NEK11: variants seen among roughly 807,000 people sequenced by gnomAD.
The protein encoded by NEK11 is NIMA related kinase 11.
Under a neutral mutation model 80.7 loss-of-function variants are expected in NEK11, and 72 were observed. That is an observed-to-expected ratio of 0.89 (90% CI 0.74 to 1.08). The LOEUF (loss-of-function observed/expected upper bound fraction) is 1.08, where lower values mean the gene tolerates loss of function less well. NEK11 is among the 50% of genes least tolerant of loss of function. The pLI is 0.00. For synonymous variants in NEK11, 251 were observed against 260.7 expected, an observed-to-expected ratio of 0.96 and a Z score of 0.36; for missense variants, 764 against 763.6, an observed-to-expected ratio of 1.00 and a Z score of -0.01.
chr3:131,293,468 A>C (rs562798902), intron 17 of NEK11, among the ~76,000 whole-genome samples: 2 of 152,088 alleles, frequency 1.3e-5, no homozygotes, highest in South Asian at 4.1e-4. Context: ...AATTCTTTTT[A>C]TATATTGTTG....
intron 3 of NEK11, among the ~76,000 whole-genome samples, chr3:131,064,870 T>G (rs149637234): frequency 2.4e-4 from 37 of 152,176 alleles, no homozygotes; most frequent in South Asian, 1.0e-3. Flanking sequence ...GGAGATGTGC[T>G]TATTCTATTT....
intron 7 of NEK11, among the ~76,000 whole-genome samples, chr3:131,139,542 G>T (rs1014323355): frequency 2.0e-5 from 3 of 152,010 alleles, no homozygotes; most frequent in African/African-American, 7.2e-5. Context: ...GTATAAGAAG[G>T]TTATAGAAGA....
chr3:131,340,763 C>G (rs2097271731), intron 17 of NEK11, among the ~76,000 whole-genome samples: 2 of 152,216 alleles, frequency 1.3e-5, no homozygotes, highest in South Asian at 4.1e-4. Flanking sequence ...AACCTGGACT[C>G]TAGTCCCCTA....
At chr3:131,142,731 T>C in intron 7 of NEK11, among the ~76,000 whole-genome samples, 1 of 152,228 alleles carries the variant, frequency 6.6e-6, no homozygotes, top group East Asian at 1.9e-4. Flanking sequence ...CTTTGACTTT[T>C]AGCCAGTTTT....
At chr3:131,263,858 A>G (rs1391481013) in intron 16 of NEK11, among the ~76,000 whole-genome samples, 1 of 152,170 alleles carries the variant, frequency 6.6e-6, no homozygotes, top group Non-Finnish European at 1.5e-5. Context: ...ATTTCTCCAC[A>G]TCCTCTCCAG....
chr3:131,220,315 T>A (rs1476888294), intron 14 of NEK11, among the ~76,000 whole-genome samples: 5 of 152,196 alleles, frequency 3.3e-5, no homozygotes, highest in Non-Finnish European at 7.3e-5. Flanking sequence ...AGGTTTCCTA[T>A]ACATATGAGA....
chr3:131,149,706 C>A (rs2089241577), intron 7 of NEK11, among the ~76,000 whole-genome samples: 1 of 151,968 alleles, frequency 6.6e-6, no homozygotes, highest in Admixed American at 6.6e-5. Context: ...TCTGTGGAAT[C>A]TACAGTGTTG....
intron 14 of NEK11, among the ~76,000 whole-genome samples, chr3:131,223,273 G>T (rs1267097139): frequency 1.3e-5 from 2 of 152,176 alleles, no homozygotes; most frequent in African/African-American, 4.8e-5. Context: ...AAATGAAAAT[G>T]AGTCCTTTTG....
At chr3:131,195,730 C>T (rs866080681) in intron 14 of NEK11, among the ~76,000 whole-genome samples, 1 of 149,086 alleles carries the variant, frequency 6.7e-6, no homozygotes, top group African/African-American at 2.5e-5. Flanking sequence ...CTTTATAGCA[C>T]CTTTGTCAGT....
chr3:131,148,520 A>G (rs2088882601), intron 7 of NEK11, among the ~76,000 whole-genome samples: 1 of 151,932 alleles, frequency 6.6e-6, no homozygotes, highest in Admixed American at 6.6e-5. Flanking sequence ...TATTCAACAA[A>G]TATCTATATT....
intron 12 of NEK11, 100 bp downstream of exon 12, chr3:131,165,619 C>A: frequency 2.8e-6 from 2 of 711,056 alleles, no homozygotes; most frequent in Non-Finnish European, 4.9e-6. Context: ...AAAACAAGAA[C>A]ATCCAGATTA....
intron 3 of NEK11, among the ~76,000 whole-genome samples, chr3:131,062,525 A>T (rs555401058): frequency 1.3e-5 from 2 of 152,362 alleles, no homozygotes; most frequent in South Asian, 4.1e-4. Flanking sequence ...CACCACCAGA[A>T]ATAAAATATA....
At chr3:131,132,892 C>A in intron 6 of NEK11, 83 bp downstream of exon 6, 1 of 625,352 alleles carries the variant, frequency 1.6e-6, no homozygotes, top group Non-Finnish European at 2.7e-6. Context: ...GTAAATGGTA[C>A]GTGGAAGTAT....
In NEK11 at chr3:131,345,744, T is replaced by C. The variant is rs528532227; in HGVS notation, c.1719-3813T>C. Among the ~76,000 whole-genome samples the C allele has an allele frequency of 2.6e-5, 4 of 152,288 alleles. No individual in the cohort carries two copies. In the East Asian group the frequency reaches 7.7e-4, roughly 29 times the overall value. ...GATATCTCCCATGTTCATTCCAACA[T>C]TGTTCACAATAGCCAAGATATGGAA... On this transcript the variant is annotated intron_variant, in intron 17 of 17. Coordinates refer to ENST00000383366, the MANE Select transcript of NEK11 (RefSeq NM_024800.5).
intron 7 of NEK11, among the ~76,000 whole-genome samples, chr3:131,142,093 A>G (rs1453751424): frequency 1.3e-5 from 2 of 152,214 alleles, no homozygotes; most frequent in Non-Finnish European, 2.9e-5. Flanking sequence ...TCCCAGTTCC[A>G]GGACACAGGT....
chr3:131,119,627 G>T (rs2149450275), intron 5 of NEK11, among the ~76,000 whole-genome samples: 1 of 152,256 alleles, frequency 6.6e-6, no homozygotes, highest in South Asian at 2.1e-4. Flanking sequence ...AGGTCTCTAA[G>T]GACTTGCTTT....
At chr3:131,153,339 T>C (rs920002678) in intron 9 of NEK11, among the ~76,000 whole-genome samples, 4 of 152,244 alleles carry the variant, frequency 2.6e-5, no homozygotes, top group Admixed American at 6.5e-5. Context: ...AGGGTTATCA[T>C]TGACCATTTA....
Position 131,338,217 on chromosome 3 carries a change from G to A in NEK11, c.1719-11340G>A, listed in dbSNP as rs193155755. 2.4e-4 allele frequency among the ~76,000 whole-genome samples: 36 copies of A among 150,024 alleles called. No individual in the cohort carries two copies. In the East Asian group the frequency reaches 6.0e-3, roughly 25 times the overall value. On this transcript the variant is annotated intron_variant, in intron 17 of 17. Coordinates refer to ENST00000383366, the MANE Select transcript of NEK11 (RefSeq NM_024800.5). ...CCTGCCCTCGTGATCCACTGGCCTC[G>A]GCCTCCCAAAGTGTTGGGATTACAG...
At position 131,344,986 on chromosome 3, in the gene NEK11, T is replaced by G. The variant is rs562039957; in HGVS notation, c.1719-4571T>G. On this transcript the variant is annotated intron_variant, in intron 17 of 17. Transcript: ENST00000383366. Reference sequence around the variant, plus strand: ...ATATCAGTCCCTTATAATCCTTTTTTATTTCTGATGCATCTGTTGTGATGT... The same window carrying G: ...ATATCAGTCCCTTATAATCCTTTTTGATTTCTGATGCATCTGTTGTGATGT... Among the ~76,000 whole-genome samples, 18 of 152,368 alleles carry G rather than the reference T, an allele frequency of 1.2e-4. No homozygotes were observed. The East Asian group carries it at 3.3e-3, about 28-fold the overall frequency.
Sources: allele counts gnomAD v4.1 joint callset (sites outside exome capture counted in the v4.1 genomes callset), GRCh38; gene constraint gnomAD v4.1.1; transcripts MANE v1.5; gene names NCBI Gene and HGNC (gene_info 2026-07-23, HGNC 2026-07-21).